Variants in SLC15A5 observed in about 807,000 individuals in gnomAD.
SLC15A5 encodes the protein Peptide/histidine transporter ENSP00000340402.
A neutral mutation model predicts 56.1 loss-of-function variants in SLC15A5; 58 were observed. That is an observed-to-expected ratio of 1.03 (90% CI 0.84 to 1.29). SLC15A5 has a LOEUF of 1.29. Ranked by LOEUF, SLC15A5 falls within the 50% of genes most tolerant of loss-of-function variation. SLC15A5 has a pLI of 0.00. For missense variants in SLC15A5, 681 were observed against 672.1 expected (o/e 1.01, Z -0.15); for synonymous variants, 264 against 250.5 (o/e 1.05, Z -0.51).
At chr12:16,262,787 G>A (rs1359441073) in intron 2 of SLC15A5, among the ~76,000 whole-genome samples, 1 of 152,146 alleles carries the variant, frequency 6.6e-6, no homozygotes, top group Non-Finnish European at 1.5e-5. Flanking sequence ...TAGCGAATGG[G>A]TCTAACAAGA....
chr12:16,206,903 T>C (rs529613523), intron 7 of SLC15A5, among the ~76,000 whole-genome samples: 1 of 152,284 alleles, frequency 6.6e-6, no homozygotes, highest in South Asian at 2.1e-4. Context: ...AGCTTTCTTA[T>C]AAGGGTGAGT....
At chr12:16,244,307 C>T (rs747175338) in intron 4 of SLC15A5, among the ~76,000 whole-genome samples, 10 of 152,270 alleles carry the variant, frequency 6.6e-5, no homozygotes, top group Middle Eastern at 3.4e-3. Flanking sequence ...TTACGCCTTA[C>T]GACTATGCAT....
intron 7 of SLC15A5, among the ~76,000 whole-genome samples, chr12:16,199,154 T>G (rs1022792979): frequency 6.6e-6 from 1 of 151,980 alleles, no homozygotes; most frequent in African/African-American, 2.4e-5. Flanking sequence ...CCTTTGTTAC[T>G]ACAAAGCCTG....
intron 7 of SLC15A5, among the ~76,000 whole-genome samples, chr12:16,203,597 A>G (rs909254146): frequency 1.3e-5 from 2 of 152,138 alleles, no homozygotes; most frequent in Non-Finnish European, 2.9e-5. Context: ...ATTCTTTAAG[A>G]TCACCTTTAT....
chr12:16,208,013 T>A (rs1439606129), intron 7 of SLC15A5, among the ~76,000 whole-genome samples: 1 of 152,108 alleles, frequency 6.6e-6, no homozygotes, highest in Non-Finnish European at 1.5e-5. Context: ...ATAATAAGTT[T>A]GTAATCCTTG....
chr12:16,190,777 G>A (rs981455011), intron 8 of SLC15A5, among the ~76,000 whole-genome samples: 1 of 152,040 alleles, frequency 6.6e-6, no homozygotes, highest in Admixed American at 6.6e-5. Context: ...AATGAATACT[G>A]CCTGAACAAC....
chr12:16,268,204 C>G (rs1864714931), intron 2 of SLC15A5, among the ~76,000 whole-genome samples: 1 of 116,084 alleles, frequency 8.6e-6, no homozygotes, highest in African/African-American at 3.4e-5. Context: ...TGGTGAAACC[C>G]CATCTCTACT....
chr12:16,260,324 C>T (rs1864631009), intron 2 of SLC15A5, among the ~76,000 whole-genome samples: 1 of 152,090 alleles, frequency 6.6e-6, no homozygotes, highest in South Asian at 2.1e-4. Context: ...TCATTATTGT[C>T]CTTCCTCAAG....
chr12:16,257,616 G>T, intron 3 of SLC15A5, 85 bp downstream of exon 3: 1 of 1,091,548 alleles, frequency 9.2e-7, no homozygotes, highest in Non-Finnish European at 1.2e-6. Context: ...AGTTGAAAGA[G>T]AAGTTATAAA....
intron 2 of SLC15A5, among the ~76,000 whole-genome samples, chr12:16,266,407 C>CA (rs1463592867): frequency 6.6e-6 from 1 of 152,194 alleles, no homozygotes; most frequent in Non-Finnish European, 1.5e-5. Flanking sequence ...AGGAAAATTA[C>CA]AACTATTCCA....
chr12:16,233,317 A>G (rs1864316457), intron 5 of SLC15A5, among the ~76,000 whole-genome samples: 1 of 152,208 alleles, frequency 6.6e-6, no homozygotes, highest in African/African-American at 2.4e-5. Context: ...TGTGAGAAAA[A>G]CAACAAAATT....
chr12:16,257,097 T>G (rs1793089434), intron 3 of SLC15A5, among the ~76,000 whole-genome samples: 1 of 152,062 alleles, frequency 6.6e-6, no homozygotes, highest in African/African-American at 2.4e-5. Flanking sequence ...TTAAGAAATT[T>G]TCTTCCTCCA....
At chr12:16,220,139 C>G (rs1271576225) in intron 6 of SLC15A5, among the ~76,000 whole-genome samples, 1 of 152,140 alleles carries the variant, frequency 6.6e-6, no homozygotes, top group African/African-American at 2.4e-5. Flanking sequence ...GTACCACAGT[C>G]CCAGAAAATG....
chr12:16,214,120 C>G (rs530537106), intron 7 of SLC15A5, among the ~76,000 whole-genome samples: 3 of 152,078 alleles, frequency 2.0e-5, no homozygotes, highest in Non-Finnish European at 2.9e-5. Flanking sequence ...CTAATCGTTA[C>G]ATTTAAAAAA....
intron 4 of SLC15A5, among the ~76,000 whole-genome samples, chr12:16,242,066 A>G (rs1186755820): frequency 6.6e-6 from 1 of 152,222 alleles, no homozygotes; most frequent in East Asian, 1.9e-4. Flanking sequence ...ACTGGCCAGT[A>G]ATGTCAAATG....
At chr12:16,272,445 T>C in intron 2 of SLC15A5, 116 bp downstream of exon 2, 1 of 944,280 alleles carries the variant, frequency 1.1e-6, no homozygotes, top group South Asian at 1.6e-5. Context: ...ATTCATCACA[T>C]CATCACTTAG....
chr12:16,217,212 A>C (rs1165790018), intron 6 of SLC15A5, among the ~76,000 whole-genome samples, 188 bp from the exon 7 acceptor site: 1 of 152,208 alleles, frequency 6.6e-6, no homozygotes. Context: ...TTCAAGGAAT[A>C]AAATATGACA....
At chr12:16,200,025 C>G (rs1309430465) in intron 7 of SLC15A5, among the ~76,000 whole-genome samples, 1 of 151,962 alleles carries the variant, frequency 6.6e-6, no homozygotes, top group Non-Finnish European at 1.5e-5. Flanking sequence ...TATCCACATA[C>G]ACTCTCAGTT....
chr12:16,257,423 T>G (rs1187488569), intron 3 of SLC15A5, among the ~76,000 whole-genome samples: 1 of 152,150 alleles, frequency 6.6e-6, no homozygotes, highest in Non-Finnish European at 1.5e-5. Context: ...TATTAAAATT[T>G]TTTCAACCAG....
Sources: allele counts gnomAD v4.1 joint callset (sites outside exome capture counted in the v4.1 genomes callset), GRCh38; gene constraint gnomAD v4.1.1; transcripts MANE v1.5; gene names NCBI Gene and HGNC (gene_info 2026-07-23, HGNC 2026-07-21).